Variants in CST7 observed in about 807,000 individuals in gnomAD.
CST7 encodes the protein cystatin-F.
A neutral mutation model predicts 13.1 loss-of-function variants in CST7; 15 were observed. That is an observed-to-expected ratio of 1.14 (90% CI 0.77 to 1.76). CST7 has a LOEUF of 1.76. Among genes scored for constraint, CST7 ranks in the 40% most tolerant of loss-of-function variants. CST7 has a pLI of 0.00. For missense variants in CST7, 193 were observed against 178.8 expected (o/e 1.08, Z -0.45); for synonymous variants, 75 against 66.9 (o/e 1.12, Z -0.59).
rs140323825 is a variant in CST7 at position 24,957,750 on chromosome 20, G to A, written c.243+291G>A. Among the ~76,000 whole-genome samples, 931 of 152,266 alleles carry A rather than the reference G, an allele frequency of 6.1e-3. 15 individuals are homozygous for A. The highest frequency in any genetic ancestry group is 0.022 in the African/African-American group (907 of 41,548). ...TAAGGAGGTGCCAGGGCCCTAATGG[G>A]GCTCCTGAGGCAGGCGCCAAGGCTG... is the stretch of plus-strand genomic sequence containing the variant. On this transcript the variant is annotated intron_variant, in intron 2 of 3. Transcript: ENST00000480798.
Position 24,949,384 on chromosome 20 carries a change from C to A in CST7, c.-122C>A, listed in dbSNP as rs111631119. The A allele has an allele frequency of 1.6e-5, 25 of 1,587,538 alleles. No individual in the cohort carries two copies. Among genetic ancestry groups the A allele is most frequent in the Non-Finnish European group, 1.2e-5 (14 of 1,165,514 alleles). On this transcript the variant is annotated 5_prime_UTR_variant, in exon 1 of 4. An upstream open reading frame in the 5' UTR gains an earlier in-frame stop. Coordinates refer to ENST00000480798, the MANE Select transcript of CST7 (RefSeq NM_003650.4). ...CAGACCACTGCCCCCACCTGCCCTG[C>A]GCCATCTACCCAAGAAGGCTCGGCA... is the stretch of plus-strand genomic sequence containing the variant.
At chr20:24,954,614 CAACTG>C (rs1372340096) in intron 1 of CST7, among the ~76,000 whole-genome samples, 4 of 152,202 alleles carry the variant, frequency 2.6e-5, no homozygotes, top group South Asian at 2.1e-4. Context: ...TCTGTTTAGA[CAACTG>C]TAAGACAGTG....
In CST7 at chr20:24,959,686, G is replaced by A. The variant is rs149366656; in HGVS notation, c.412G>A (p.Glu138Lys). The A allele has an allele frequency of 3.2e-5, 52 of 1,614,034 alleles. No individual in the cohort carries two copies. Among genetic ancestry groups the A allele is most frequent in the East Asian group, 3.1e-4 (14 of 44,868 alleles). Residue 138 changes from glutamate (E) to lysine (K), a missense_variant, in exon 4 of 4, where the codon GAG becomes AAG. Glu to Lys is a moderately conservative substitution (Grantham distance 56). Transcript: ENST00000480798. Reference sequence around the variant, plus strand: ...GGTCGTGCCCTGGCTCCAGCACTTCGAGGTGCCTGTTCTCCGTTGTCACTG... The same window carrying A: ...GGTCGTGCCCTGGCTCCAGCACTTCAAGGTGCCTGTTCTCCGTTGTCACTG... ...VWVVPWLQHF[E>K]VPVLRCH is the part of the protein sequence containing the mutation.
intron 1 of CST7, among the ~76,000 whole-genome samples, chr20:24,955,875 C>T (rs371613252): frequency 6.6e-6 from 1 of 152,194 alleles, no homozygotes; most frequent in East Asian, 1.9e-4. Context: ...ACGTGGCCAG[C>T]ATTCTCTATG....
chr20:24,958,837 C>G (rs557673069), intron 2 of CST7, 91 bp from the exon 3 acceptor site: 1 of 933,888 alleles, frequency 1.1e-6, no homozygotes, highest in South Asian at 1.4e-5. Context: ...CGGTGGGCAC[C>G]TGCACCACTG....
chr20:24,959,250 C>G (rs2087879994), intron 3 of CST7, among the ~76,000 whole-genome samples: 1 of 152,180 alleles, frequency 6.6e-6, no homozygotes, highest in Non-Finnish European at 1.5e-5. Context: ...CAGATGACAT[C>G]CTCCCGTCCC....
At chr20:24,954,956 A>C (rs1043764919) in intron 1 of CST7, among the ~76,000 whole-genome samples, 1 of 152,168 alleles carries the variant, frequency 6.6e-6, no homozygotes, top group African/African-American at 2.4e-5. Flanking sequence ...GTAAGTTTAT[A>C]GTCAGAAAAA....
Position 24,949,423 on chromosome 20 carries a change from C to T in CST7, c.-83C>T. 6.2e-7 allele frequency: 1 copy of T among 1,610,354 alleles called. No individual in the cohort carries two copies. The highest frequency in any genetic ancestry group is 1.1e-5 in the South Asian group (1 of 90,750). Reference sequence around the variant, plus strand: ...GAAGGCTCGGCACGGGCACCAACCACTGCCTCCAACTGCCCCATGCTGCCT... The same window carrying T: ...GAAGGCTCGGCACGGGCACCAACCATTGCCTCCAACTGCCCCATGCTGCCT... On this transcript the variant is annotated 5_prime_UTR_variant, in exon 1 of 4. Transcript: ENST00000480798.
chr20:24,949,284 C>T lies in CST7; in HGVS notation c.-222C>T. 7.2e-7 allele frequency: 1 copy of T among 1,391,438 alleles called. No homozygotes were observed. Among genetic ancestry groups the T allele is most frequent in the African/African-American group, 1.4e-5 (1 of 69,028 alleles). The allele number at this position is 1,391,438 out of a possible 1,614,324, so 86.2% of individuals were successfully genotyped here. A position where few individuals can be genotyped will look rare whatever the true frequency, so the allele number is the denominator to read the frequency against. On this transcript the variant is annotated 5_prime_UTR_variant, in exon 1 of 4. Coordinates refer to ENST00000480798, the MANE Select transcript of CST7 (RefSeq NM_003650.4). The stretch of plus-strand genomic sequence containing the variant: ...GGGACAGCCCACTGTTCCATGCTGC[C>T]CAAGAAGGCTCAGCACAGGCACAAA...
chr20:24,952,647 G>T (rs2087827356), intron 1 of CST7, among the ~76,000 whole-genome samples: 1 of 152,206 alleles, frequency 6.6e-6, no homozygotes, highest in African/African-American at 2.4e-5. Flanking sequence ...TTATGCTCTG[G>T]GTGATGGGGG....
intron 1 of CST7, among the ~76,000 whole-genome samples, chr20:24,951,136 T>A (rs2087816264): frequency 6.6e-6 from 1 of 151,998 alleles, no homozygotes; most frequent in Non-Finnish European, 1.5e-5. Context: ...AGCCTTTCCC[T>A]CCATTCTCAG....
intron 1 of CST7, among the ~76,000 whole-genome samples, chr20:24,956,787 G>A (rs2122454271): frequency 6.6e-6 from 1 of 150,920 alleles, no homozygotes; most frequent in South Asian, 2.1e-4. Flanking sequence ...CCGCCCAGAG[G>A]GCCAGGCTGG....
At position 24,959,053 on chromosome 20, in the gene CST7, G is replaced by A; in HGVS notation, c.360+9G>A. ...ACCACACCTTGAAGCAGGTAAAGCA[G>A]CAGGCCCTTCTCTCAGATGTGCCCT... On this transcript the variant is annotated intron_variant, in intron 3 of 3. Transcript: ENST00000480798. 6.2e-7 allele frequency: 1 copy of A among 1,601,074 alleles called. No individual in the cohort carries two copies. Among genetic ancestry groups the A allele is most frequent in the South Asian group, 1.1e-5 (1 of 90,790 alleles).
At chr20:24,959,502 T>G in intron 3 of CST7, 133 bp from the exon 4 acceptor site, 2 of 738,630 alleles carry the variant, frequency 2.7e-6, no homozygotes, top group South Asian at 3.3e-5. Context: ...TCAAGTTTTC[T>G]GTAGGTTTGA....
chr20:24,952,818 G>T (rs1322128172), intron 1 of CST7, among the ~76,000 whole-genome samples: 1 of 152,196 alleles, frequency 6.6e-6, no homozygotes, highest in Non-Finnish European at 1.5e-5. Flanking sequence ...ACAAGCAGGG[G>T]CTTCCCAACC....
At chr20:24,959,133 C>G (rs2087878921) in intron 3 of CST7, 89 bp downstream of exon 3, 9 of 1,051,348 alleles carry the variant, frequency 8.6e-6, no homozygotes, top group Middle Eastern at 2.4e-4. Context: ...CACCACGTCT[C>G]TAACGCAGCG....
rs779884917 is a variant in CST7 at position 24,959,010 on chromosome 20, A to T, written c.326A>T (p.Asp109Val). Reference protein sequence around the residue: ...CKKNQHLRLDDCDFQTNHTLK... With the variant: ...CKKNQHLRLDVCDFQTNHTLK... ...AAAAACCAGCACCTGCGTCTGGATG[A>T]CTGTGACTTCCAAACCAACCACACC... Residue 109 changes from aspartate to valine, a missense_variant, in exon 3 of 4, where the codon GAC (aspartate) becomes GTC (valine). By Grantham distance (152) the Asp-to-Val change is radical (BLOSUM62 -3). Transcript: ENST00000480798. The T allele has an allele frequency of 1.2e-6, 2 of 1,613,964 alleles. No homozygotes were observed. Among genetic ancestry groups the T allele is most frequent in the Admixed American group, 3.3e-5 (2 of 60,016 alleles).
rs575842867 is a variant in CST7, at chr20:24,951,178, A to G, written c.70+1603A>G. On this transcript the variant is annotated intron_variant, in intron 1 of 3. Coordinates refer to ENST00000480798, the MANE Select transcript of CST7 (RefSeq NM_003650.4). ...TGCTGTCAGCCACCAAACCCCAGAGAGAAGCTCCAGAGCCCACGTTCACAC... is the reference window on the plus strand; with the variant it reads ...TGCTGTCAGCCACCAAACCCCAGAGGGAAGCTCCAGAGCCCACGTTCACAC... Among the ~76,000 whole-genome samples the G allele has an allele frequency of 2.3e-3, 357 of 152,288 alleles. 1 individual carries two copies. Among genetic ancestry groups the G allele is most frequent in the African/African-American group, 8.4e-3 (350 of 41,552 alleles).
At chr20:24,958,855 GC>G in intron 2 of CST7, 72 bp from the exon 3 acceptor site, 2 of 1,110,418 alleles carry the variant, frequency 1.8e-6, no homozygotes, top group Non-Finnish European at 1.4e-6. Context: ...CTGTCTTGAG[GC>G]CCTGCTTCCT....
Sources: allele counts gnomAD v4.1 joint callset (sites outside exome capture counted in the v4.1 genomes callset), GRCh38; gene constraint gnomAD v4.1.1; transcripts MANE v1.5; gene names NCBI Gene and HGNC (gene_info 2026-07-23, HGNC 2026-07-21).